The following FILIP1 variants were observed in gnomAD, a reference collection of about 807,000 sequenced individuals.
FILIP1 encodes filamin-A-interacting protein 1.
A neutral mutation model predicts 102.1 loss-of-function variants in FILIP1; 61 were observed. The observed-to-expected ratio is 0.60, with a 90% CI of 0.49 to 0.74. FILIP1 has a LOEUF of 0.74. Ranked by LOEUF, FILIP1 falls within the 30% of genes least tolerant of loss-of-function variation. FILIP1 has a pLI of 0.00. For missense variants in FILIP1, 1,314 were observed against 1,441.2 expected (o/e 0.91, Z 1.43); for synonymous variants, 491 against 526.9 (o/e 0.93, Z 0.93).
chr6:75,467,856 G>A (rs1311591125), intron 1 of FILIP1, among the ~76,000 whole-genome samples: 2 of 152,136 alleles, frequency 1.3e-5, no homozygotes, highest in Non-Finnish European at 2.9e-5. Flanking sequence ...AGGACAAGAG[G>A]GAGGCCTAAG....
At chr6:75,450,930 G>C (rs1328757036) in intron 1 of FILIP1, among the ~76,000 whole-genome samples, 1 of 152,080 alleles carries the variant, frequency 6.6e-6, no homozygotes, top group Non-Finnish European at 1.5e-5. Flanking sequence ...ACTCCAGCCT[G>C]AGCAACAAGA....
intron 3 of FILIP1, among the ~76,000 whole-genome samples, chr6:75,360,445 C>G (rs1006521739): frequency 2.0e-5 from 3 of 152,036 alleles, no homozygotes; most frequent in Admixed American, 6.6e-5. Context: ...GCCAGTGAGT[C>G]CAGGTTTTTT....
chr6:75,473,286 A>G (rs1429490410), intron 1 of FILIP1, among the ~76,000 whole-genome samples: 5 of 152,204 alleles, frequency 3.3e-5, no homozygotes, highest in African/African-American at 9.6e-5. Context: ...TGAGATAAAG[A>G]GACACAACTA....
rs201139306 is a variant in FILIP1 at position 75,295,951 on chromosome 6, C to T, written c.3494-1G>A. The T allele has an allele frequency of 2.8e-6, 4 of 1,448,668 alleles. No individual in the cohort carries two copies. The highest frequency in any genetic ancestry group is 3.6e-6 in the Non-Finnish European group (4 of 1,107,644). The allele number at this position is 1,448,668 out of a possible 1,614,324, so 89.7% of individuals were successfully genotyped here. A position where few individuals can be genotyped will look rare whatever the true frequency, so the allele number is the denominator to read the frequency against. ...CGTAACTGGTGAATGATGATGCTTT[C>T]TATAAAGAGAAAAAAGACATGGCAT... On this transcript the variant is annotated splice_acceptor_variant, in intron 6 of 6. Transcript: ENST00000393004. LOFTEE classifies it high-confidence loss of function.
intron 1 of FILIP1, among the ~76,000 whole-genome samples, chr6:75,433,235 T>A (rs1234776974): frequency 1.3e-5 from 2 of 152,220 alleles, no homozygotes; most frequent in Non-Finnish European, 2.9e-5. Flanking sequence ...TAGTTCTAGA[T>A]CCTTGAGGAA....
chr6:75,476,322 T>C (rs113307287), intron 1 of FILIP1, among the ~76,000 whole-genome samples: 2,673 of 152,090 alleles, frequency 0.018, 32 homozygotes, highest in South Asian at 0.064. Flanking sequence ...GGTATCATGA[T>C]TCCTAATTTG....
chr6:75,325,780 T>C (rs1397962922), intron 4 of FILIP1, among the ~76,000 whole-genome samples: 1 of 152,212 alleles, frequency 6.6e-6, no homozygotes, highest in Non-Finnish European at 1.5e-5. Flanking sequence ...GATCACATCA[T>C]GTGTGAACAC....
intron 2 of FILIP1, among the ~76,000 whole-genome samples, chr6:75,397,313 A>T (rs1776496619): frequency 6.6e-6 from 1 of 151,612 alleles, no homozygotes; most frequent in African/African-American, 2.4e-5. Flanking sequence ...TATGGCTCAC[A>T]CTCTGTATGC....
At chr6:75,297,787 AAAGTT>A (rs1210433784) in intron 6 of FILIP1, among the ~76,000 whole-genome samples, 5 of 152,210 alleles carry the variant, frequency 3.3e-5, no homozygotes, top group African/African-American at 1.2e-4. Flanking sequence ...TGGTAAAATT[AAAGTT>A]ATCTCCAATT....
intron 4 of FILIP1, among the ~76,000 whole-genome samples, chr6:75,349,771 G>C (rs1052873612): frequency 3.9e-5 from 6 of 152,292 alleles, no homozygotes; most frequent in African/African-American, 1.4e-4. Context: ...CAGAGCCCCA[G>C]GGATGCAGCG....
intron 1 of FILIP1, among the ~76,000 whole-genome samples, chr6:75,437,899 G>T (rs2998392): frequency 6.6e-6 from 1 of 152,050 alleles, no homozygotes; most frequent in African/African-American, 2.4e-5. Flanking sequence ...ATCATTAACT[G>T]TTGCATTTTT....
intron 1 of FILIP1, among the ~76,000 whole-genome samples, chr6:75,477,913 T>C (rs182030875): frequency 3.5e-4 from 53 of 152,362 alleles, no homozygotes; most frequent in African/African-American, 1.2e-3. Flanking sequence ...ATTCATTGAA[T>C]AATGTACTGC....
intron 4 of FILIP1, among the ~76,000 whole-genome samples, chr6:75,321,228 G>T (rs7740648): frequency 6.6e-6 from 1 of 151,926 alleles, no homozygotes; most frequent in South Asian, 2.1e-4. Context: ...TTTTTGTTTT[G>T]TTTTGTTTTT....
At chr6:75,486,440 T>C (rs535030070) in intron 1 of FILIP1, among the ~76,000 whole-genome samples, 1 of 147,386 alleles carries the variant, frequency 6.8e-6, no homozygotes, top group East Asian at 1.9e-4. Flanking sequence ...GTTAGCCTTC[T>C]GACCCTAAAT....
chr6:75,351,769 A>G (rs759990731), intron 4 of FILIP1, among the ~76,000 whole-genome samples: 1 of 152,240 alleles, frequency 6.6e-6, no homozygotes, highest in Non-Finnish European at 1.5e-5. Context: ...TGGATTTCTC[A>G]TAATGCATCC....
chr6:75,416,387 G>T (rs534934768), intron 1 of FILIP1, among the ~76,000 whole-genome samples: 2 of 152,002 alleles, frequency 1.3e-5, no homozygotes, highest in East Asian at 3.9e-4. Context: ...ATAAACCAAA[G>T]GAATATTTCT....
At chr6:75,310,404 C>T (rs1773142872) in intron 5 of FILIP1, among the ~76,000 whole-genome samples, 1 of 152,248 alleles carries the variant, frequency 6.6e-6, no homozygotes, top group African/African-American at 2.4e-5. Flanking sequence ...GTGTAGCTGA[C>T]ACTCAACAAA....
Position 75,314,086 on chromosome 6 carries a change from T to C in FILIP1, c.1746A>G (p.Glu582=). The change falls in exon 5 of 6, where the codon GAA becomes GAG. Residue 582 remains glutamate (E), a synonymous_variant. Transcript: ENST00000237172. ...RDELIGKLKS[E]EEKSSELSCS... ...AGCTTAATTCAGAGGATTTTTCTTC[T>C]TCACTTTTCAATTTGCCTATCAACT... 1 of 1,504,236 alleles carries C rather than the reference T, an allele frequency of 6.6e-7. No homozygotes were observed. The highest frequency in any genetic ancestry group is 1.4e-5 in the South Asian group (1 of 70,478). The allele number at this position is 1,504,236 out of a possible 1,614,324, so 93.2% of individuals were successfully genotyped here.
At chr6:75,333,962 GAACA>G (rs1481969246) in intron 4 of FILIP1, among the ~76,000 whole-genome samples, 1 of 152,060 alleles carries the variant, frequency 6.6e-6, no homozygotes, top group Non-Finnish European at 1.5e-5. Flanking sequence ...GAGTGTTTCA[GAACA>G]AACACGGCTT....
Sources: gnomAD v4.1 joint callset for allele counts (sites outside exome capture counted in the v4.1 genomes callset) on GRCh38, gnomAD v4.1.1 for gene constraint, MANE v1.5 for transcripts, NCBI Gene and HGNC (gene_info 2026-07-23, HGNC 2026-07-21) for gene names.